CDH26: variants seen among roughly 807,000 people sequenced by gnomAD.
CDH26 encodes the protein cadherin-like protein 26.
In CDH26, 83 loss-of-function variants were observed where a neutral mutation model predicts 90.3. That is an observed-to-expected ratio of 0.92 (90% CI 0.77 to 1.10). The LOEUF (loss-of-function observed/expected upper bound fraction) is 1.10. Among genes scored for constraint, CDH26 ranks in the 50% least tolerant of loss-of-function variants. The pLI, the probability that CDH26 is intolerant of heterozygous loss-of-function variation, is 0.00. For synonymous variants in CDH26, 397 were observed against 396.3 expected, an observed-to-expected ratio of 1.00 and a Z score of -0.02; for missense variants, 1,013 against 1,037.6, an observed-to-expected ratio of 0.98 and a Z score of 0.33.
chr20:59,986,328 G>A (rs1373804394), intron 7 of CDH26, among the ~76,000 whole-genome samples: 2 of 152,200 alleles, frequency 1.3e-5, no homozygotes, highest in African/African-American at 4.8e-5. Flanking sequence ...ATTGAAAACC[G>A]CTGTGTAAGA....
chr20:60,027,411 T>A lies in CDH26; in HGVS notation c.948-3820T>A, dbSNP rs935906483. On this transcript the variant is annotated intron_variant, in intron 7 of 8. Transcript: ENST00000370991. ...GCTTTAACACACATCAATGCATCTT[T>A]CCATCCCTCTTTTTTCTTTTCTTCC... 2.6e-5 allele frequency among the ~76,000 whole-genome samples: 4 copies of A among 152,190 alleles called. No homozygotes were observed. The South Asian group carries it at 6.2e-4, about 24-fold the overall frequency.
chr20:60,018,927 T>C (rs1260381944), downstream of CDH26, among the ~76,000 whole-genome samples: 1 of 151,998 alleles, frequency 6.6e-6, no homozygotes, highest in Non-Finnish European at 1.5e-5. Context: ...CTCTTAACTT[T>C]TGCTTGTCTG....
chr20:60,031,324 A>C (rs967987179), exon 8 of CDH26: 115 of 1,296,072 alleles, frequency 8.9e-5, no homozygotes, highest in Non-Finnish European at 1.2e-4. Flanking sequence ...AGACATTTAC[A>C]AGGAGATGAT....
intron 1 of CDH26, 97 bp downstream of exon 1, chr20:59,958,892 C>A: frequency 8.0e-7 from 1 of 1,254,794 alleles, no homozygotes; most frequent in South Asian, 1.3e-5. Flanking sequence ...GGGAGAGGGA[C>A]TGAGTGTGAC....
chr20:60,021,602 C>A (rs1198153000), intron 7 of CDH26, among the ~76,000 whole-genome samples: 1 of 152,024 alleles, frequency 6.6e-6, no homozygotes, highest in Non-Finnish European at 1.5e-5. Flanking sequence ...CTATGGGTAA[C>A]TTATTTAGCT....
intron 8 of CDH26, among the ~76,000 whole-genome samples, chr20:60,032,480 T>C (rs1286161823): frequency 6.6e-6 from 1 of 152,180 alleles, no homozygotes; most frequent in African/African-American, 2.4e-5. Context: ...CTCATTTAGA[T>C]GATGGAATTA....
Position 59,983,012 on chromosome 20 carries a change from T to G in CDH26, c.483T>G (p.His161Gln), listed in dbSNP as rs779360536. ...FNIRISDVND[H>Q]APQFPEKEFN... ...TTAGGATCAGTGATGTGAATGATCA[T>G]GCACCCCAGTTTCCAGAGAAGGAAT... Residue 161 changes from histidine to glutamine, a missense_variant, in exon 5 of 18, where the codon CAT becomes CAG. Transcript: ENST00000348616. The G allele has an allele frequency of 6.2e-7, 1 of 1,614,032 alleles. No homozygotes were observed. The highest frequency in any genetic ancestry group is 1.3e-5 in the African/African-American group (1 of 74,916).
chr20:59,961,844 T>C (rs1450530678), intron 1 of CDH26, among the ~76,000 whole-genome samples: 2 of 152,198 alleles, frequency 1.3e-5, no homozygotes, highest in Non-Finnish European at 2.9e-5. Context: ...TGTCCTCACC[T>C]TGGGGCTGTG....
intron 16 of CDH26, among the ~76,000 whole-genome samples, chr20:60,005,404 G>A (rs1418060381): frequency 6.6e-6 from 1 of 152,098 alleles, no homozygotes; most frequent in Non-Finnish European, 1.5e-5. Context: ...ATAGAAGCAT[G>A]TACATGTACA....
At chr20:59,989,720 A>G (rs923764242) in intron 9 of CDH26, among the ~76,000 whole-genome samples, 13 of 152,190 alleles carry the variant, frequency 8.5e-5, no homozygotes, top group Non-Finnish European at 1.6e-4. Flanking sequence ...TTTCCTTTGC[A>G]TCTTCCATGT....
intron 1 of CDH26, among the ~76,000 whole-genome samples, chr20:59,967,957 A>ATCTTTCTT (rs1162039272): frequency 0.017 from 993 of 59,520 alleles, 35 homozygotes; most frequent in Non-Finnish European, 0.02. Context: ...CTTTCTTTCT[A>ATCTTTCTT]TCTTTCTTTC....
At chr20:60,025,560 C>G (rs367712843) in intron 7 of CDH26, among the ~76,000 whole-genome samples, 6 of 152,330 alleles carry the variant, frequency 3.9e-5, no homozygotes, top group African/African-American at 1.4e-4. Context: ...GGTGGGTGAT[C>G]AGCCTCAGCG....
intron 1 of CDH26, among the ~76,000 whole-genome samples, chr20:59,965,101 C>A (rs541587415): frequency 3.9e-4 from 59 of 152,348 alleles, no homozygotes; most frequent in South Asian, 2.1e-3. Flanking sequence ...AGATTTCAGA[C>A]TTAAACTCAG....
chr20:60,011,210 T>C (rs7270799), intron 17 of CDH26, among the ~76,000 whole-genome samples: 2,584 of 152,264 alleles, frequency 0.017, 68 homozygotes, highest in African/African-American at 0.051. Context: ...GTGATGACTC[T>C]AGGTTTCAAG....
rs553342284 is a variant in CDH26, at chr20:59,992,710, G to A, written c.1426+190G>A. Among the ~76,000 whole-genome samples the A allele has an allele frequency of 6.6e-6, 1 of 152,270 alleles. No individual in the cohort carries two copies. The highest frequency in any genetic ancestry group is 2.1e-4 in the South Asian group (1 of 4,828). On this transcript the variant is annotated intron_variant, in intron 10 of 17. Transcript: ENST00000348616. The surrounding 1 kb of genome is among the most constrained non-coding windows in gnomAD (Gnocchi z 5.0). Reference sequence around the variant, plus strand: ...TGGTAAACAAGGGACCAATACCATCGAAAGAGGGCAGTATTCATTCAGAAG... The same window carrying A: ...TGGTAAACAAGGGACCAATACCATCAAAAGAGGGCAGTATTCATTCAGAAG...
chr20:60,024,042 A>T (rs1022531196), intron 7 of CDH26, among the ~76,000 whole-genome samples: 1 of 152,224 alleles, frequency 6.6e-6, no homozygotes, highest in African/African-American at 2.4e-5. Flanking sequence ...TTCAGCATTA[A>T]AAACGTGTCT....
At chr20:59,975,503 G>T (rs1041273446) in intron 4 of CDH26, among the ~76,000 whole-genome samples, 10 of 152,178 alleles carry the variant, frequency 6.6e-5, no homozygotes, top group African/African-American at 2.2e-4. Flanking sequence ...AAGCCATGGG[G>T]GTCTATGGTA....
chr20:59,991,188 C>T (rs1325083449), intron 9 of CDH26, among the ~76,000 whole-genome samples: 1 of 152,156 alleles, frequency 6.6e-6, no homozygotes, highest in Non-Finnish European at 1.5e-5. Flanking sequence ...GGCTGGGGAT[C>T]CCTTTAGGCA....
chr20:60,028,970 A>G (rs1160337685), intron 7 of CDH26, among the ~76,000 whole-genome samples: 1 of 152,234 alleles, frequency 6.6e-6, no homozygotes, highest in Non-Finnish European at 1.5e-5. Context: ...GAGACGCGAT[A>G]TAGACACACA....
Sources: gnomAD v4.1 joint callset for allele counts (sites outside exome capture counted in the v4.1 genomes callset) on GRCh38, gnomAD v4.1.1 for gene constraint, Gnocchi (gnomAD v3.1) non-coding constraint, MANE v1.5 for transcripts, NCBI Gene and HGNC (gene_info 2026-07-23, HGNC 2026-07-21) for gene names.